Variants in CNOT6L observed in about 807,000 individuals in gnomAD.
The protein encoded by CNOT6L is CCR4-NOT transcription complex subunit 6-like.
A neutral mutation model predicts 64.0 loss-of-function variants in CNOT6L; 7 were observed. The ratio of observed to expected loss-of-function variants is 0.11; its 90% CI spans 0.06 to 0.21. CNOT6L has a LOEUF of 0.21. Ranked by LOEUF, CNOT6L falls within the 10% of genes least tolerant of loss-of-function variation. The probability of loss-of-function intolerance (pLI) is 1.00; values close to 1 mark genes in which losing one functional copy is unlikely to be tolerated. For synonymous variants in CNOT6L, 193 were observed against 243.4 expected, an observed-to-expected ratio of 0.79 and a Z score of 1.93; for missense variants, 245 against 669.0, an observed-to-expected ratio of 0.37 and a Z score of 6.99.
chr4:77,793,958 C>A (rs1204067043), intron 1 of CNOT6L, among the ~76,000 whole-genome samples: 1 of 151,592 alleles, frequency 6.6e-6, no homozygotes, highest in Non-Finnish European at 1.5e-5. Context: ...CGAGACCAGC[C>A]TGGCCAACAT....
chr4:77,763,365 T>C (rs996328588), intron 4 of CNOT6L, among the ~76,000 whole-genome samples: 5 of 152,080 alleles, frequency 3.3e-5, no homozygotes, highest in Non-Finnish European at 7.4e-5. Context: ...TTGGCATAGC[T>C]ATATTAGAAA....
At chr4:77,726,007 C>T (rs1213692241) in intron 11 of CNOT6L, 160 bp downstream of exon 11, 1 of 642,024 alleles carries the variant, frequency 1.6e-6, no homozygotes, top group Non-Finnish European at 2.7e-6. Flanking sequence ...CCACAAAACC[C>T]AATAAACCTA....
At chr4:77,735,322 G>T (rs537370857) in intron 8 of CNOT6L, among the ~76,000 whole-genome samples, 1 of 152,008 alleles carries the variant, frequency 6.6e-6, no homozygotes, top group Non-Finnish European at 1.5e-5. Flanking sequence ...GTCTTCTTTC[G>T]GTTATCTCTG....
upstream of CNOT6L, among the ~76,000 whole-genome samples, chr4:77,820,249 G>T (rs1734125820): frequency 6.6e-6 from 1 of 152,160 alleles, no homozygotes; most frequent in Non-Finnish European, 1.5e-5. Context: ...GTTGATTGAC[G>T]TGGAGGGGCT....
chr4:77,817,243 A>G (rs942958465), intron 1 of CNOT6L, among the ~76,000 whole-genome samples: 4 of 152,152 alleles, frequency 2.6e-5, no homozygotes, highest in Non-Finnish European at 4.4e-5. Flanking sequence ...AAGTATGACT[A>G]TTTTTATAAA....
chr4:77,796,435 T>C (rs192305186), intron 1 of CNOT6L, among the ~76,000 whole-genome samples: 227 of 152,056 alleles, frequency 1.5e-3, no homozygotes, highest in African/African-American at 5.3e-3. Flanking sequence ...TTAGAGATTG[T>C]TGCTTGAAGG....
At chr4:77,819,444 C>T, upstream of CNOT6L, 3 of 1,563,534 alleles carry the variant, frequency 1.9e-6, no homozygotes, top group East Asian at 4.6e-5. Context: ...GACGCAGACG[C>T]AAACACAAAC....
At chr4:77,819,135 A>ACCCGACACACACCCACTCG (rs1734000189) in intron 1 of CNOT6L, 169 bp downstream of exon 1, 2 of 1,291,916 alleles carry the variant, frequency 1.5e-6, no homozygotes, top group African/African-American at 3.5e-5. Flanking sequence ...CCCTCCAGTC[A>ACCCGACACACACCCACTCG]CCCGACACAC....
At chr4:77,807,605 T>C (rs1030659665) in intron 1 of CNOT6L, among the ~76,000 whole-genome samples, 4 of 152,162 alleles carry the variant, frequency 2.6e-5, no homozygotes, top group African/African-American at 9.7e-5. Context: ...TAAGGTATTG[T>C]AGGCATATAT....
At chr4:77,743,882 G>A (rs746209815) in intron 7 of CNOT6L, among the ~76,000 whole-genome samples, 2 of 152,106 alleles carry the variant, frequency 1.3e-5, no homozygotes, top group South Asian at 2.1e-4. Flanking sequence ...GACTATAGGC[G>A]TGAGCCACCA....
Position 77,753,130 on chromosome 4 carries a change from A to T in CNOT6L, c.490+3732T>A, listed in dbSNP as rs186757232. ...CAGAAACTCATAGAAAGAGAAATGG[A>T]AATCAGAATAGTACTATAATTATTA... On this transcript the variant is annotated intron_variant, in intron 5 of 11. Transcript: ENST00000504123. Among the ~76,000 whole-genome samples the T allele has an allele frequency of 2.5e-4, 38 of 151,436 alleles. No individual in the cohort carries two copies. The East Asian group carries it at 7.2e-3, about 29-fold the overall frequency.
rs140452310 is a variant in CNOT6L at position 77,738,862 on chromosome 4, C to T, written c.872+3279G>A. ...ATGTATTTTATAAAATGCTTTGGAACGTAAATAATACTTGTTAAAAGACAA... is the reference window on the plus strand; with the variant it reads ...ATGTATTTTATAAAATGCTTTGGAATGTAAATAATACTTGTTAAAAGACAA... On this transcript the variant is annotated intron_variant, in intron 8 of 11. Transcript: ENST00000504123. Among the ~76,000 whole-genome samples the T allele has an allele frequency of 3.3e-5, 5 of 151,230 alleles. No homozygotes were observed. In the East Asian group the frequency reaches 7.8e-4, roughly 24 times the overall value.
Position 77,778,718 on chromosome 4 carries a change from C to T in CNOT6L, c.6-2326G>A, listed in dbSNP as rs182495305. 5.9e-5 allele frequency among the ~76,000 whole-genome samples: 9 copies of T among 151,642 alleles called. 1 individual carries two copies. The highest frequency in any genetic ancestry group is 1.3e-4 in the Admixed American group (2 of 15,280). ...GTGCTGGGATTACAGGCGTGAGCCA[C>T]GGCACCCAGCCCAATTTTAGATCAT... On this transcript the variant is annotated intron_variant, in intron 1 of 11. Coordinates refer to ENST00000504123, the MANE Select transcript of CNOT6L (RefSeq NM_144571.3).
chr4:77,755,304 A>C (rs1430050502), intron 5 of CNOT6L, among the ~76,000 whole-genome samples: 3 of 119,684 alleles, frequency 2.5e-5, no homozygotes, highest in Non-Finnish European at 4.8e-5. Context: ...GCAGTGGCGC[A>C]ATCTCGGGTT....
At chr4:77,785,512 C>T (rs1489074376) in intron 1 of CNOT6L, among the ~76,000 whole-genome samples, 5 of 150,988 alleles carry the variant, frequency 3.3e-5, no homozygotes, top group Non-Finnish European at 5.9e-5. Flanking sequence ...TTGCAAAACA[C>T]GTATCTGAAA....
At chr4:77,784,832 C>T (rs1046539863) in intron 1 of CNOT6L, among the ~76,000 whole-genome samples, 4 of 152,062 alleles carry the variant, frequency 2.6e-5, no homozygotes, top group African/African-American at 7.2e-5. Context: ...TCCTCTGATA[C>T]GTACATTTTC....
In CNOT6L at chr4:77,773,065, T is replaced by TTTAAAAATCAC; in HGVS notation, c.400+5_400+15dup. 6.4e-7 allele frequency: 1 copy of TTTAAAAATCAC among 1,563,220 alleles called. No individual in the cohort carries two copies. Among genetic ancestry groups the TTTAAAAATCAC allele is most frequent in the East Asian group, 2.3e-5 (1 of 44,194 alleles). On this transcript the variant is annotated intron_variant, in intron 4 of 11. Coordinates refer to ENST00000504123, the MANE Select transcript of CNOT6L (RefSeq NM_144571.3). ...AAAGGCTCAGAATACCTCAAAACTG[T>TTTAAAAATCAC]TTAAAAATCACTTACCTTTCAAACC...
rs1208722045 is a variant in CNOT6L, at chr4:77,718,771, A to G, written c.*1660T>C. On this transcript the variant is annotated 3_prime_UTR_variant, in exon 12 of 12. Transcript: ENST00000504123. ...GAAGAAATTAGCATAAAATGACCAA[A>G]GTAAATGCATCATTTAAGACTAATA... 6 of 152,624 alleles carry G rather than the reference A, an allele frequency of 3.9e-5. No homozygotes were observed. The highest frequency in any genetic ancestry group is 5.9e-5 in the Non-Finnish European group (4 of 68,036). The allele number at this position is 152,624 out of a possible 1,614,324, so 9.5% of individuals were successfully genotyped here. A position where few individuals can be genotyped will look rare whatever the true frequency, so the allele number is the denominator to read the frequency against.
chr4:77,810,494 G>A (rs564246519), intron 1 of CNOT6L, among the ~76,000 whole-genome samples: 3 of 152,094 alleles, frequency 2.0e-5, no homozygotes, highest in African/African-American at 7.2e-5. Context: ...ATATGGCAAA[G>A]GTTTGCTTAC....
Sources: allele counts gnomAD v4.1 joint callset (sites outside exome capture counted in the v4.1 genomes callset), GRCh38; gene constraint gnomAD v4.1.1; transcripts MANE v1.5; gene names NCBI Gene and HGNC (gene_info 2026-07-23, HGNC 2026-07-21).